The following TM4SF5 variants were observed in gnomAD, a reference collection of about 807,000 sequenced individuals.
TM4SF5 encodes the protein transmembrane 4 L6 family member 5.
In TM4SF5, 16 loss-of-function variants were observed where a neutral mutation model predicts 22.3. The ratio of observed to expected loss-of-function variants is 0.72; its 90% CI spans 0.49 to 1.09. The LOEUF (loss-of-function observed/expected upper bound fraction) is 1.09. TM4SF5 is among the 50% of genes least tolerant of loss of function. The pLI is 0.00. For missense variants in TM4SF5, 249 were observed against 266.1 expected (o/e 0.94, Z 0.45); for synonymous variants, 113 against 109.6 (o/e 1.03, Z -0.19).
At chr17:4,775,690 C>T (rs1258541309) in intron 1 of TM4SF5, among the ~76,000 whole-genome samples, 1 of 152,060 alleles carries the variant, frequency 6.6e-6, no homozygotes, top group East Asian at 1.9e-4. Flanking sequence ...ACATCTGAGC[C>T]CAGGTCAAGA....
rs183728605 is a variant in TM4SF5 at position 4,779,003 on chromosome 17, G to A, written c.178-1786G>A. ...ACCTGGGAGGTGGAGGTTGCAGTGA[G>A]CCAAGATCACACCACTGTACTCCAA... On this transcript the variant is annotated intron_variant, in intron 1 of 4. Coordinates refer to ENST00000270560, the MANE Select transcript of TM4SF5 (RefSeq NM_003963.3). Among the ~76,000 whole-genome samples, 291 of 147,386 alleles carry A rather than the reference G, an allele frequency of 2.0e-3. 2 individuals are homozygous for A. The highest frequency in any genetic ancestry group is 7.2e-3 in the African/African-American group (285 of 39,426).
chr17:4,772,172 G>A, intron 1 of TM4SF5, 73 bp downstream of exon 1: 1 of 1,566,236 alleles, frequency 6.4e-7, no homozygotes, highest in Non-Finnish European at 8.7e-7. Flanking sequence ...AGGAGGGAGA[G>A]GGAGAGAGGA....
intron 2 of TM4SF5, 105 bp downstream of exon 2, chr17:4,780,974 T>A: frequency 1.1e-6 from 1 of 926,168 alleles, no homozygotes; most frequent in Non-Finnish European, 1.7e-6. Context: ...GAGCCAGGAG[T>A]TCTAGACCAG....
chr17:4,781,257 G>A (rs891595281), intron 2 of TM4SF5, among the ~76,000 whole-genome samples: 8 of 148,228 alleles, frequency 5.4e-5, no homozygotes, highest in Admixed American at 5.4e-4. Context: ...TTGAACCCTG[G>A]AGGCAGAGGT....
intron 1 of TM4SF5, among the ~76,000 whole-genome samples, chr17:4,773,659 C>T (rs897902126): frequency 2.6e-5 from 4 of 152,102 alleles, no homozygotes; most frequent in African/African-American, 9.7e-5. Context: ...TCTTCTACTC[C>T]CTCCTCCTGC....
chr17:4,780,345 G>A lies in TM4SF5; in HGVS notation c.178-444G>A, dbSNP rs538652737. Among the ~76,000 whole-genome samples the A allele has an allele frequency of 7.4e-4, 112 of 152,124 alleles. 1 individual carries two copies. The highest frequency in any genetic ancestry group is 3.4e-3 in the Middle Eastern group (1 of 294). On this transcript the variant is annotated intron_variant, in intron 1 of 4. Coordinates refer to ENST00000270560, the MANE Select transcript of TM4SF5 (RefSeq NM_003963.3). The stretch of plus-strand genomic sequence containing the variant: ...GCTGGGATTTCAGGCGTGAACCACC[G>A]CGCCCGGCCTCTGAGCCAGTCTTAA...
At chr17:4,782,700 C>G (rs1028495931) in intron 3 of TM4SF5, 61 bp downstream of exon 3, 19 of 1,602,108 alleles carry the variant, frequency 1.2e-5, no homozygotes, top group African/African-American at 4.0e-5. Context: ...GCCCTTCCCC[C>G]GTGGACTGGG....
chr17:4,778,801 T>C (rs546764378), intron 1 of TM4SF5, among the ~76,000 whole-genome samples: 9 of 152,202 alleles, frequency 5.9e-5, no homozygotes, highest in African/African-American at 1.9e-4. Flanking sequence ...CTCACGCTTG[T>C]AATCCCAGCA....
intron 1 of TM4SF5, among the ~76,000 whole-genome samples, chr17:4,778,739 T>C (rs1917248537): frequency 6.6e-6 from 1 of 152,098 alleles, no homozygotes; most frequent in Non-Finnish European, 1.5e-5. Flanking sequence ...GAGGCTTAAA[T>C]GCCTTACAAG....
At chr17:4,782,392 T>G in intron 2 of TM4SF5, 111 bp from the exon 3 acceptor site, 6 of 1,384,276 alleles carry the variant, frequency 4.3e-6, no homozygotes, top group Non-Finnish European at 6.0e-6. Context: ...AAAAATACAT[T>G]TTAACAACCC....
At chr17:4,777,821 T>C (rs1175586830) in intron 1 of TM4SF5, among the ~76,000 whole-genome samples, 1 of 151,338 alleles carries the variant, frequency 6.6e-6, no homozygotes, top group East Asian at 1.9e-4. Flanking sequence ...GAGGCAGAGG[T>C]TACAGCGAGC....
At chr17:4,781,818 A>G (rs1481511518) in intron 2 of TM4SF5, among the ~76,000 whole-genome samples, 1 of 151,952 alleles carries the variant, frequency 6.6e-6, no homozygotes, top group Non-Finnish European at 1.5e-5. Flanking sequence ...CCCAGCCTCG[A>G]GTCAGGTTTA....
At chr17:4,772,468 G>A (rs1423197350) in intron 1 of TM4SF5, among the ~76,000 whole-genome samples, 1 of 152,114 alleles carries the variant, frequency 6.6e-6, no homozygotes, top group East Asian at 1.9e-4. Flanking sequence ...ATAATAACAG[G>A]CATGAGGGTG....
chr17:4,777,098 G>A (rs1917221559), intron 1 of TM4SF5, among the ~76,000 whole-genome samples: 2 of 151,698 alleles, frequency 1.3e-5, no homozygotes, highest in African/African-American at 4.8e-5. Context: ...TCGGAAGGCT[G>A]AGGCAGGAGA....
At position 4,782,844 on chromosome 17, in the gene TM4SF5, C is replaced by A; in HGVS notation, c.396-10C>A. The A allele has an allele frequency of 6.2e-7, 1 of 1,608,384 alleles. No individual in the cohort carries two copies. The highest frequency in any genetic ancestry group is 1.7e-5 in the Admixed American group (1 of 59,570). The stretch of plus-strand genomic sequence containing the variant: ...CTGCCTTCTCCCACGTGGCCTCACC[C>A]CTCCCACAGGGGAGCTTACTTGCTC... On this transcript the variant is annotated splice_polypyrimidine_tract_variant and intron_variant, in intron 3 of 4. Transcript: ENST00000270560.
chr17:4,779,505 T>A (rs186754896), intron 1 of TM4SF5, among the ~76,000 whole-genome samples: 2 of 152,028 alleles, frequency 1.3e-5, no homozygotes, highest in East Asian at 1.9e-4. Context: ...GGGCAAGAGC[T>A]ATGAGAGTGT....
In TM4SF5 at chr17:4,782,513, C is replaced by T. The variant is rs1323558892; in HGVS notation, c.269C>T (p.Ser90Leu). Residue 90 changes from serine (S) to leucine (L), a missense_variant, in exon 3 of 5, where the codon TCG becomes TTG. Transcript: ENST00000270560. ...CCGNRCRMLR[S>L]VFSSAFGVLG... The stretch of plus-strand genomic sequence containing the variant: ...CCACACCACATCCAGATGCTGCGCT[C>T]GGTCTTCTCCTCGGCGTTCGGGGTG... The T allele has an allele frequency of 9.9e-6, 16 of 1,613,970 alleles. No individual in the cohort carries two copies. Among genetic ancestry groups the T allele is most frequent in the Admixed American group, 6.7e-5 (4 of 59,970 alleles).
At chr17:4,782,159 C>T (rs866933132) in intron 2 of TM4SF5, among the ~76,000 whole-genome samples, 3 of 150,228 alleles carry the variant, frequency 2.0e-5, no homozygotes, top group African/African-American at 7.4e-5. Context: ...TGCAGTGGTG[C>T]GATCTCGGCT....
intron 3 of TM4SF5, 95 bp from the exon 4 acceptor site, chr17:4,782,759 C>T: frequency 6.4e-7 from 1 of 1,570,698 alleles, no homozygotes; most frequent in Non-Finnish European, 8.6e-7. Flanking sequence ...ACGTGGGCTA[C>T]CTGGGCCTTA....
Sources: gnomAD v4.1 joint callset for allele counts (sites outside exome capture counted in the v4.1 genomes callset) on GRCh38, gnomAD v4.1.1 for gene constraint, MANE v1.5 for transcripts, NCBI Gene and HGNC (gene_info 2026-07-23, HGNC 2026-07-21) for gene names.